SLC9A5: variants seen among roughly 807,000 people sequenced by gnomAD.
SLC9A5 encodes solute carrier family 9 member A5.
A neutral mutation model predicts 91.7 loss-of-function variants in SLC9A5; 52 were observed. The observed-to-expected ratio is 0.57, with a 90% CI of 0.45 to 0.71. The LOEUF is 0.71. SLC9A5 is among the 30% of genes least tolerant of loss of function. SLC9A5 has a pLI of 0.00. For missense variants in SLC9A5, 871 were observed against 1,158.9 expected, an observed-to-expected ratio of 0.75 and a Z score of 3.61; for synonymous variants, 419 against 474.5, an observed-to-expected ratio of 0.88 and a Z score of 1.52.
rs1309246335 is a variant in SLC9A5, at chr16:67,268,658, T to TTTTATATATATATATA, written c.2219-2079_2219-2078insTTATATATATATATAT. Among the ~76,000 whole-genome samples the TTTTATATATATATATA allele has an allele frequency of 1.2e-4, 5 of 42,328 alleles. 1 individual carries two copies. The highest frequency in any genetic ancestry group is 3.6e-4 in the Admixed American group (1 of 2,762). The allele number at this position is 42,328 out of a possible 152,430, so 27.8% of individuals were successfully genotyped here. A position where few individuals can be genotyped will look rare whatever the true frequency, so the allele number is the denominator to read the frequency against. ...TCAAACATCGTTCAAATTTCCCTGA[T>TTTTATATATATATATA]TATATATATATATATATATATATAT... On this transcript the variant is annotated intron_variant, in intron 15 of 15. Transcript: ENST00000299798.
intron 12 of SLC9A5, chr16:67,261,533 G>T (rs1266295286): frequency 6.6e-6 from 1 of 152,030 alleles, no homozygotes; most frequent in African/African-American, 2.4e-5. Context: ...AAATATTTCA[G>T]TATGTCTCTC....
At position 67,257,480 on chromosome 16, in the gene SLC9A5, C is replaced by T. The variant is rs767369968; in HGVS notation, c.1425+46C>T. 4.3e-6 allele frequency: 7 copies of T among 1,613,454 alleles called. No homozygotes were observed. The highest frequency in any genetic ancestry group is 1.1e-5 in the South Asian group (1 of 91,052). On this transcript the variant is annotated intron_variant, in intron 8 of 15. Transcript: ENST00000299798. This position sits in a 1 kb window ranked among gnomAD's most constrained non-coding sequence, Gnocchi z 5.1. ...CCTCGCCTGTCCCTCTCGACCTTCTCCTATTTTGGGCAGAGTCCTGATCCA... is the reference window on the plus strand; with the variant it reads ...CCTCGCCTGTCCCTCTCGACCTTCTTCTATTTTGGGCAGAGTCCTGATCCA...
rs2035379507 is a variant in SLC9A5 at position 67,257,900 on chromosome 16, T to C, written c.1496+299T>C. Reference sequence around the variant, plus strand: ...TGTCTTAGATCCTCAGGACCCACCATGCTCCCCCAGCCTGGCCACTGGGAC... The same window carrying C: ...TGTCTTAGATCCTCAGGACCCACCACGCTCCCCCAGCCTGGCCACTGGGAC... On this transcript the variant is annotated intron_variant, in intron 9 of 15. Transcript: ENST00000299798. This position sits in a 1 kb window ranked among gnomAD's most constrained non-coding sequence, Gnocchi z 5.1. Among the ~76,000 whole-genome samples, 1 of 152,198 alleles carries C rather than the reference T, an allele frequency of 6.6e-6. No homozygotes were observed. Among genetic ancestry groups the C allele is most frequent in the Admixed American group, 6.5e-5 (1 of 15,278 alleles).
chr16:67,249,200 C>A lies in SLC9A5; in HGVS notation c.186C>A (p.Ile62=), dbSNP rs756857264. 3 of 1,516,522 alleles carry A rather than the reference C, an allele frequency of 2.0e-6. No individual in the cohort carries two copies. Among genetic ancestry groups the A allele is most frequent in the Non-Finnish European group, 2.6e-6 (3 of 1,137,750 alleles). The allele number at this position is 1,516,522 out of a possible 1,614,324, so 93.9% of individuals were successfully genotyped here. A position where few individuals can be genotyped will look rare whatever the true frequency, so the allele number is the denominator to read the frequency against. ...TCCTGGTGGCCAGTCTGGCCAAAAT[C>A]GGTGAGTGCGTGTGTGCGTGCGCCA... ...LWILVASLAK[I]VFHLSRKVTS... is the part of the protein sequence containing the mutation. Residue 62 remains isoleucine (I), a splice_region_variant and synonymous_variant, in exon 1 of 16, where the codon ATC becomes ATA. Coordinates refer to ENST00000299798, the MANE Select transcript of SLC9A5 (RefSeq NM_004594.3).
chr16:67,265,430 T>G (rs1401943235), intron 14 of SLC9A5, among the ~76,000 whole-genome samples: 1 of 152,028 alleles, frequency 6.6e-6, no homozygotes, highest in Non-Finnish European at 1.5e-5. Flanking sequence ...CCAATTTTGT[T>G]TTGTTTTTTT....
At chr16:67,260,014 T>C in intron 12 of SLC9A5, 68 bp downstream of exon 12, 1 of 1,558,246 alleles carries the variant, frequency 6.4e-7, no homozygotes, top group Non-Finnish European at 8.7e-7. Flanking sequence ...AAGAGGCAGT[T>C]GGCGCCAGCT....
rs1254176035 is a variant in SLC9A5, at chr16:67,255,229, T to C, written c.654+45T>C. ...TGCCATTCCCTGACCCCAGGCTGCATGCTCTGACCAACTAGGGGTCTGCGC... is the reference window on the plus strand; with the variant it reads ...TGCCATTCCCTGACCCCAGGCTGCACGCTCTGACCAACTAGGGGTCTGCGC... On this transcript the variant is annotated intron_variant, in intron 3 of 15. Transcript: ENST00000299798. The surrounding 1 kb of genome is among the most constrained non-coding windows in gnomAD (Gnocchi z 4.9). 4 of 1,596,962 alleles carry C rather than the reference T, an allele frequency of 2.5e-6. No individual in the cohort carries two copies. Among genetic ancestry groups the C allele is most frequent in the Non-Finnish European group, 3.4e-6 (4 of 1,169,144 alleles).
rs2035867896 is a variant in SLC9A5 at position 67,270,091 on chromosome 16, C to T, written c.2219-647C>T. 6.6e-6 allele frequency among the ~76,000 whole-genome samples: 1 copy of T among 152,096 alleles called. No individual in the cohort carries two copies. The highest frequency in any genetic ancestry group is 6.6e-5 in the Admixed American group (1 of 15,260). On this transcript the variant is annotated intron_variant, in intron 15 of 15. Transcript: ENST00000299798. This position sits in a 1 kb window ranked among gnomAD's most constrained non-coding sequence, Gnocchi z 4.3. Reference sequence around the variant, plus strand: ...GCTGGTTGGCTGGGATGGGGCTTGGCAGGAGGCTGTTTCAGAGACCAGTGC... The same window carrying T: ...GCTGGTTGGCTGGGATGGGGCTTGGTAGGAGGCTGTTTCAGAGACCAGTGC...
chr16:67,271,924 C>G lies in SLC9A5; in HGVS notation c.*714C>G, dbSNP rs1427314517. 6.6e-6 allele frequency: 1 copy of G among 152,372 alleles called. No homozygotes were observed. Among genetic ancestry groups the G allele is most frequent in the Non-Finnish European group, 1.5e-5 (1 of 68,166 alleles). 9.4% of individuals were successfully genotyped at this position (152,372 alleles called of 1,614,324 possible). ...TGGGGTCACCCTGGGATCTGCTGCTCTGGGTCTAAGTCTAGACCTTTCTGA... is the reference window on the plus strand; with the variant it reads ...TGGGGTCACCCTGGGATCTGCTGCTGTGGGTCTAAGTCTAGACCTTTCTGA... On this transcript the variant is annotated 3_prime_UTR_variant, in exon 16 of 16. Coordinates refer to ENST00000299798, the MANE Select transcript of SLC9A5 (RefSeq NM_004594.3).
At chr16:67,250,049 G>T (rs1251161421) in intron 1 of SLC9A5, among the ~76,000 whole-genome samples, 1 of 152,068 alleles carries the variant, frequency 6.6e-6, no homozygotes, top group African/African-American at 2.4e-5. Context: ...ACTAATTATA[G>T]CTGAGCGTTG....
At chr16:67,260,263 G>A (rs1021569517) in intron 12 of SLC9A5, among the ~76,000 whole-genome samples, 3 of 148,174 alleles carry the variant, frequency 2.0e-5, no homozygotes, top group African/African-American at 5.0e-5. Flanking sequence ...GCTGAAGCAG[G>A]AAAATCGCTT....
intron 15 of SLC9A5, among the ~76,000 whole-genome samples, chr16:67,269,074 G>A (rs1422957064): frequency 6.6e-6 from 1 of 151,718 alleles, no homozygotes. Flanking sequence ...TCTGGATTTT[G>A]TTGGTTGCAT....
chr16:67,271,025 C>T lies in SLC9A5; in HGVS notation c.2506C>T (p.Arg836Cys), dbSNP rs2035902036. Residue 836 changes from arginine (R) to cysteine (C), a missense_variant, in exon 16 of 16, where the codon CGC (arginine) becomes TGC (cysteine). Arg to Cys is a radical substitution (Grantham distance 180). This residue lies in a region of SLC9A5 where 295 missense variants were observed against 326.0 expected (regional missense o/e 0.90). Coordinates refer to ENST00000299798, the MANE Select transcript of SLC9A5 (RefSeq NM_004594.3). ...QVPLHLPSDP[R>C]SSFAFPPSLA... The stretch of plus-strand genomic sequence containing the variant: ...CCCTCTCCACCTACCTTCTGATCCA[C>T]GCTCTAGCTTCGCCTTCCCACCGAG... 1.9e-6 allele frequency: 3 copies of T among 1,613,250 alleles called. No individual in the cohort carries two copies. Among genetic ancestry groups the T allele is most frequent in the Admixed American group, 1.7e-5 (1 of 59,950 alleles).
intron 15 of SLC9A5, among the ~76,000 whole-genome samples, chr16:67,266,876 T>A (rs2035727820): frequency 6.7e-6 from 1 of 148,580 alleles, no homozygotes; most frequent in Non-Finnish European, 1.5e-5. Flanking sequence ...TTAAATGCCA[T>A]TCTTGCATTG....
chr16:67,261,698 A>G (rs539744757), intron 12 of SLC9A5: 3 of 152,128 alleles, frequency 2.0e-5, no homozygotes, highest in South Asian at 2.1e-4. Context: ...TCCCCTCTCT[A>G]TCTCCCTTGC....
rs771164458 is a variant in SLC9A5 at position 67,250,055 on chromosome 16, C to T, written c.187+854C>T. 1.1e-4 allele frequency among the ~76,000 whole-genome samples: 16 copies of T among 152,246 alleles called. No individual in the cohort carries two copies. In the South Asian group the frequency reaches 1.5e-3, roughly 14 times the overall value. ...GTGGGGGTGACTAATTATAGCTGAG[C>T]GTTGCTACTCTCTCCCCATGGATGC... On this transcript the variant is annotated intron_variant, in intron 1 of 15. Transcript: ENST00000299798.
chr16:67,258,471 G>C lies in SLC9A5; in HGVS notation c.1626+24G>C. The C allele has an allele frequency of 6.2e-7, 1 of 1,613,760 alleles. No homozygotes were observed. The highest frequency in any genetic ancestry group is 8.5e-7 in the Non-Finnish European group (1 of 1,179,860). The stretch of plus-strand genomic sequence containing the variant: ...AGGTGGGCCAGCAGCTTCCAGGTGG[G>C]CCAGTGGTGGGTGGGCAGATGGTCA... On this transcript the variant is annotated intron_variant, in intron 10 of 15. Coordinates refer to ENST00000299798, the MANE Select transcript of SLC9A5 (RefSeq NM_004594.3). This position sits in a 1 kb window ranked among gnomAD's most constrained non-coding sequence, Gnocchi z 4.5.
Position 67,259,960 on chromosome 16 carries a change from G to A in SLC9A5, c.1842+14G>A. 1 of 1,612,826 alleles carries A rather than the reference G, an allele frequency of 6.2e-7. No homozygotes were observed. Among genetic ancestry groups the A allele is most frequent in the Non-Finnish European group, 8.5e-7 (1 of 1,179,370 alleles). On this transcript the variant is annotated intron_variant, in intron 12 of 15. Coordinates refer to ENST00000299798, the MANE Select transcript of SLC9A5 (RefSeq NM_004594.3). ...CCGCGCCGTAGGGTGAGAGCAGGCA[G>A]GCATCAGGATTTTGAGGGGGTGGAG...
rs1183333388 is a variant in SLC9A5 at position 67,265,080 on chromosome 16, A to G, written c.2054A>G (p.His685Arg). The change falls in exon 14 of 16, where the codon CAT (histidine) becomes CGT (arginine). Residue 685 changes from histidine to arginine, a missense_variant. Transcript: ENST00000299798. ...AATGCTGAGGCTACAAATGGGAAACATCGAGGCCTGGGCTTTCAGGACACA... is the reference window on the plus strand; with the variant it reads ...AATGCTGAGGCTACAAATGGGAAACGTCGAGGCCTGGGCTTTCAGGACACA... Reference protein sequence around the residue: ...VANAEATNGKHRGLGFQDTAA... With the variant: ...VANAEATNGKRRGLGFQDTAA... The G allele has an allele frequency of 3.1e-6, 5 of 1,614,038 alleles. No individual in the cohort carries two copies. Among genetic ancestry groups the G allele is most frequent in the African/African-American group, 1.3e-5 (1 of 74,914 alleles).
Sources: allele counts gnomAD v4.1 joint callset (sites outside exome capture counted in the v4.1 genomes callset), GRCh38; gene constraint gnomAD v4.1.1; regional missense constraint gnomAD v4.1.1; non-coding constraint Gnocchi (gnomAD v3.1); transcripts MANE v1.5; gene names NCBI Gene and HGNC (gene_info 2026-07-23, HGNC 2026-07-21).